Variants in CSGALNACT1 observed in about 807,000 individuals in gnomAD.
CSGALNACT1 encodes the protein chondroitin sulfate N-acetylgalactosaminyltransferase 1, also known as beta4GalNAcT-1.
A neutral mutation model predicts 51.0 loss-of-function variants in CSGALNACT1; 52 were observed. The observed-to-expected ratio is 1.02, with a 90% CI of 0.82 to 1.29. CSGALNACT1 has a LOEUF of 1.29. Among genes scored for constraint, CSGALNACT1 ranks in the 50% most tolerant of loss-of-function variants. CSGALNACT1 has a pLI of 0.00. For synonymous variants in CSGALNACT1, 341 were observed against 254.4 expected (o/e 1.34, Z -3.24); for missense variants, 935 against 679.2 (o/e 1.38, Z -4.19).
At chr8:19,676,821 G>A (rs116172801) in intron 1 of CSGALNACT1, among the ~76,000 whole-genome samples, 4,660 of 152,258 alleles carry the variant, frequency 0.031, 256 homozygotes, top group African/African-American at 0.11. Context: ...AGACAACTGG[G>A]AGGCTCGGTA....
intron 3 of CSGALNACT1, among the ~76,000 whole-genome samples, chr8:19,540,342 T>C (rs183810811): frequency 6.8e-4 from 103 of 152,306 alleles, no homozygotes; most frequent in Non-Finnish European, 1.1e-3. Flanking sequence ...TATTCTTTAG[T>C]GTTACCTGGG....
At chr8:19,484,400 G>T (rs921489952) in intron 4 of CSGALNACT1, among the ~76,000 whole-genome samples, 4 of 152,036 alleles carry the variant, frequency 2.6e-5, no homozygotes, top group African/African-American at 9.7e-5. Context: ...CGAGGATAAG[G>T]GTAGACTACA....
At chr8:19,410,264 AT>A (rs756010204) in intron 8 of CSGALNACT1, among the ~76,000 whole-genome samples, 24 of 152,220 alleles carry the variant, frequency 1.6e-4, no homozygotes, top group Non-Finnish European at 3.1e-4. Context: ...GTTATACAGT[AT>A]CTCCCAAATG....
chr8:19,471,864 C>G (rs2068262725), intron 4 of CSGALNACT1, among the ~76,000 whole-genome samples: 1 of 152,160 alleles, frequency 6.6e-6, no homozygotes, highest in Admixed American at 6.5e-5. Flanking sequence ...ATGAAGCTGT[C>G]CTGGAAACTG....
intron 6 of CSGALNACT1, among the ~76,000 whole-genome samples, chr8:19,422,751 C>T (rs1283535423): frequency 6.6e-6 from 1 of 152,204 alleles, no homozygotes; most frequent in Non-Finnish European, 1.5e-5. Flanking sequence ...TTAGAGGTGT[C>T]TGCAGCCCCA....
intron 3 of CSGALNACT1, among the ~76,000 whole-genome samples, chr8:19,587,391 C>A (rs1377864145): frequency 2.6e-5 from 4 of 152,166 alleles, no homozygotes; most frequent in Non-Finnish European, 5.9e-5. Context: ...TGGGTGAGGC[C>A]ATTGTTCCTA....
intron 4 of CSGALNACT1, among the ~76,000 whole-genome samples, chr8:19,470,412 G>T (rs545750772): frequency 1.3e-5 from 2 of 152,304 alleles, no homozygotes; most frequent in South Asian, 2.1e-4. Context: ...AGGCAGCGAG[G>T]CCAGAGAGCA....
chr8:19,425,396 A>G (rs1441509226), intron 6 of CSGALNACT1, among the ~76,000 whole-genome samples: 1 of 152,224 alleles, frequency 6.6e-6, no homozygotes, highest in African/African-American at 2.4e-5. Flanking sequence ...CAGTAGCTGT[A>G]ACTTCACAAC....
chr8:19,505,345 T>C (rs1372066246), exon 4 of CSGALNACT1: 6 of 1,614,006 alleles, frequency 3.7e-6, no homozygotes, highest in South Asian at 1.1e-5. Flanking sequence ...GGGTGGCGGG[T>C]AAGGCCAGTC....
At chr8:19,491,972 G>A (rs1206046225) in intron 4 of CSGALNACT1, among the ~76,000 whole-genome samples, 1 of 152,168 alleles carries the variant, frequency 6.6e-6, no homozygotes, top group Non-Finnish European at 1.5e-5. Flanking sequence ...GACATGGATG[G>A]AAGGCCAAAG....
chr8:19,421,793 G>T (rs1258070677), intron 6 of CSGALNACT1, among the ~76,000 whole-genome samples: 1 of 152,136 alleles, frequency 6.6e-6, no homozygotes, highest in Non-Finnish European at 1.5e-5. Context: ...TTTGGATCTG[G>T]GAGTGAGCTT....
chr8:19,457,733 C>T, intron 5 of CSGALNACT1: 1 of 1,346,362 alleles, frequency 7.4e-7, no homozygotes, highest in Non-Finnish European at 9.8e-7. Context: ...CCAATATGTG[C>T]ATCTGAGCCA....
At chr8:19,648,937 C>T (rs1428024764) in intron 1 of CSGALNACT1, among the ~76,000 whole-genome samples, 3 of 152,164 alleles carry the variant, frequency 2.0e-5, no homozygotes, top group Non-Finnish European at 4.4e-5. Context: ...ATAAATCAGA[C>T]TCTACAGTGT....
At chr8:19,647,756 C>T (rs1446970474) in intron 1 of CSGALNACT1, among the ~76,000 whole-genome samples, 1 of 152,168 alleles carries the variant, frequency 6.6e-6, no homozygotes, top group Non-Finnish European at 1.5e-5. Flanking sequence ...ATATTAGATG[C>T]TGATACAAGC....
At chr8:19,736,283 G>A (rs2063966297) in intron 1 of CSGALNACT1, among the ~76,000 whole-genome samples, 1 of 152,168 alleles carries the variant, frequency 6.6e-6, no homozygotes, top group African/African-American at 2.4e-5. Context: ...GTAGTCTATG[G>A]CTGCTTTTTT....
At chr8:19,413,441 G>A (rs541597085) in intron 8 of CSGALNACT1, among the ~76,000 whole-genome samples, 14 of 152,244 alleles carry the variant, frequency 9.2e-5, no homozygotes, top group Non-Finnish European at 1.5e-4. Flanking sequence ...TGAGTATTAC[G>A]TGAGATAACG....
At position 19,586,675 on chromosome 8, in the gene CSGALNACT1, A is replaced by G. The variant is rs34520389; in HGVS notation, c.-297+4485T>C. Among the ~76,000 whole-genome samples, 1,467 of 152,120 alleles carry G rather than the reference A, an allele frequency of 9.6e-3. 16 individuals carry two copies. Among genetic ancestry groups the G allele is most frequent in the Middle Eastern group, 0.054 (16 of 294 alleles). Reference sequence around the variant, plus strand: ...TCAGACTTGGAATCAGGTTTTCCTGATTTTTCCCAAAATGCAGTACTTCTC... The same window carrying G: ...TCAGACTTGGAATCAGGTTTTCCTGGTTTTTCCCAAAATGCAGTACTTCTC... On this transcript the variant is annotated intron_variant, in intron 3 of 9. Coordinates refer to ENST00000454498, the Ensembl canonical transcript of CSGALNACT1.
intron 4 of CSGALNACT1, among the ~76,000 whole-genome samples, chr8:19,474,694 C>G (rs925555217): frequency 6.6e-6 from 1 of 151,614 alleles, no homozygotes; most frequent in South Asian, 2.1e-4. Context: ...CATGGCAAAA[C>G]CCCGTCTTTA....
At chr8:19,458,004 G>C (rs115104159) in intron 5 of CSGALNACT1, among the ~76,000 whole-genome samples, 2 of 152,160 alleles carry the variant, frequency 1.3e-5, no homozygotes, top group Admixed American at 1.3e-4. Context: ...AGCCAATCAA[G>C]AACACCTTGC....
Sources: gnomAD v4.1 joint callset for allele counts (sites outside exome capture counted in the v4.1 genomes callset) on GRCh38, gnomAD v4.1.1 for gene constraint, MANE v1.5 for transcripts, NCBI Gene and HGNC (gene_info 2026-07-23, HGNC 2026-07-21) for gene names.